Variants in TCF20 observed in about 807,000 individuals in gnomAD.
TCF20 encodes the protein transcription factor 20.
TCF20 carries 3 observed loss-of-function variants against 148.6 expected under a neutral mutation model. The ratio of observed to expected loss-of-function variants is 0.02; its 90% CI spans 0.01 to 0.05. TCF20 has a LOEUF of 0.05. Among genes scored for constraint, TCF20 ranks in the 10% least tolerant of loss-of-function variants. The probability of loss-of-function intolerance (pLI) is 1.00; values close to 1 mark genes in which losing one functional copy is unlikely to be tolerated. For synonymous variants in TCF20, 1,049 were observed against 909.5 expected (o/e 1.15, Z -2.76); for missense variants, 2,350 against 2,429.3 (o/e 0.97, Z 0.69).
chr22:42,232,632 C>T (rs1923528023), intron 1 of TCF20, among the ~76,000 whole-genome samples: 1 of 151,812 alleles, frequency 6.6e-6, no homozygotes, highest in Non-Finnish European at 1.5e-5. Flanking sequence ...TCGAGACCAT[C>T]CTGTCTAACA....
chr22:42,342,719 T>TA (rs1191800688), intron 1 of TCF20, among the ~76,000 whole-genome samples: 1 of 152,152 alleles, frequency 6.6e-6, no homozygotes, highest in Admixed American at 6.5e-5. Context: ...ACTTCCGCAT[T>TA]AAATTGGTGC....
At position 42,211,395 on chromosome 22, in the gene TCF20, T is replaced by C; in HGVS notation, c.3911A>G (p.His1304Arg). 1 of 1,614,200 alleles carries C rather than the reference T, an allele frequency of 6.2e-7. No homozygotes were observed. Among genetic ancestry groups the C allele is most frequent in the Non-Finnish European group, 8.5e-7 (1 of 1,180,036 alleles). Residue 1304 changes from histidine to arginine, a missense_variant, in exon 2 of 6, where the codon CAC becomes CGC. Transcript: ENST00000677622. The part of the protein sequence containing the change: ...KAFNSYAHLS[H>R]SQDIKSIPKR... The stretch of plus-strand genomic sequence containing the variant: ...AGGGATAGACTTGATATCCTGACTG[T>C]GAGAAAGATGGGCATAGGAATTGAA...
At chr22:42,272,005 G>A (rs979449099), upstream of TCF20, among the ~76,000 whole-genome samples, 1 of 152,178 alleles carries the variant, frequency 6.6e-6, no homozygotes, top group African/African-American at 2.4e-5. Context: ...GGGCCCCTTG[G>A]CAGGAGCATG....
At chr22:42,226,917 A>C (rs1442751495) in intron 1 of TCF20, among the ~76,000 whole-genome samples, 1 of 152,200 alleles carries the variant, frequency 6.6e-6, no homozygotes, top group Admixed American at 6.5e-5. Flanking sequence ...TATTGTAAAG[A>C]CGTTAAGTCT....
At chr22:42,271,812 G>A (rs1281998445), upstream of TCF20, among the ~76,000 whole-genome samples, 3 of 152,202 alleles carry the variant, frequency 2.0e-5, no homozygotes, top group East Asian at 1.9e-4. Context: ...AAGTGCTTCC[G>A]GCAGCAGGTG....
intron 5 of TCF20, among the ~76,000 whole-genome samples, chr22:42,164,534 C>T (rs1414746344): frequency 6.6e-6 from 1 of 152,194 alleles, no homozygotes; most frequent in Non-Finnish European, 1.5e-5. Flanking sequence ...GGGATGCACT[C>T]ATTTCTTTAA....
At position 42,215,343 on chromosome 22, in the gene TCF20, T is replaced by TA; in HGVS notation, c.-36-3dup. ...CACAGCAGCAGGCCAACAGCCCTCC[T>TA]AGAAATAGAAGAAAGAAAAACATTA... On this transcript the variant is annotated splice_polypyrimidine_tract_variant and splice_region_variant and intron_variant, in intron 1 of 5. Transcript: ENST00000677622. The TA allele has an allele frequency of 1.3e-6, 2 of 1,562,860 alleles. No homozygotes were observed. The highest frequency in any genetic ancestry group is 2.4e-5 in the South Asian group (2 of 83,850).
intron 1 of TCF20, among the ~76,000 whole-genome samples, chr22:42,298,059 CA>C (rs1429185134): frequency 6.6e-6 from 1 of 152,228 alleles, no homozygotes; most frequent in African/African-American, 2.4e-5. Context: ...AAGGCATCAC[CA>C]CTGTCTCCAT....
At chr22:42,252,578 G>A (rs1925467364) in intron 1 of TCF20, among the ~76,000 whole-genome samples, 1 of 152,064 alleles carries the variant, frequency 6.6e-6, no homozygotes, top group South Asian at 2.1e-4. Flanking sequence ...AGCCTCCCAA[G>A]TAGCTGGGAT....
chr22:42,300,774 T>TCTCTG (rs1048135917), intron 1 of TCF20, among the ~76,000 whole-genome samples: 3 of 152,160 alleles, frequency 2.0e-5, no homozygotes, highest in Admixed American at 6.5e-5. Context: ...CAGGCCTGCC[T>TCTCTG]CTCTGCCTTT....
At chr22:42,278,123 C>T (rs985174446) in intron 1 of TCF20, 1 of 152,284 alleles carries the variant, frequency 6.6e-6, no homozygotes, top group African/African-American at 2.4e-5. Flanking sequence ...TGGCATCCCA[C>T]TGCTGTGCAC....
At chr22:42,191,987 CTTA>C in intron 2 of TCF20, among the ~76,000 whole-genome samples, 1 of 152,118 alleles carries the variant, frequency 6.6e-6, no homozygotes, top group Non-Finnish European at 1.5e-5. Flanking sequence ...CTTGCACTAG[CTTA>C]TTTTTATTTT....
At chr22:42,294,098 G>A (rs1161296191) in intron 1 of TCF20, among the ~76,000 whole-genome samples, 2 of 152,318 alleles carry the variant, frequency 1.3e-5, no homozygotes, top group East Asian at 3.9e-4. Context: ...GAGCCAGGAA[G>A]AGCCTGGGAA....
chr22:42,251,357 T>G (rs955036236), intron 1 of TCF20, among the ~76,000 whole-genome samples: 1 of 151,990 alleles, frequency 6.6e-6, no homozygotes, highest in African/African-American at 2.4e-5. Context: ...ATTTTTGTAT[T>G]TTTTTGTAGA....
At chr22:42,231,006 A>G (rs1555936232) in intron 1 of TCF20, among the ~76,000 whole-genome samples, 1 of 152,034 alleles carries the variant, frequency 6.6e-6, no homozygotes, top group Non-Finnish European at 1.5e-5. Context: ...TAAAAAAAAC[A>G]CAAAAATTAG....
Position 42,317,038 on chromosome 22 carries a change from T to C in TCF20, c.-37+26441A>G, listed in dbSNP as rs1008194. On this transcript the variant is annotated intron_variant, in intron 1 of 1. Transcript: ENST00000515426. This position sits in a 1 kb window ranked among gnomAD's most constrained non-coding sequence, Gnocchi z 4.2. Reference sequence around the variant, plus strand: ...TGGCATGGCCGTAAGGCATCTTCAATGGTCCCATGTCCTCAACACTCTTCC... The same window carrying C: ...TGGCATGGCCGTAAGGCATCTTCAACGGTCCCATGTCCTCAACACTCTTCC... 0.62 allele frequency among the ~76,000 whole-genome samples: 94,200 copies of C among 151,948 alleles called. 31,008 individuals carry two copies. The highest frequency in any genetic ancestry group is 0.85 in the African/African-American group (35,178 of 41,430).
At position 42,210,882 on chromosome 22, in the gene TCF20, T is replaced by C; in HGVS notation, c.4424A>G (p.Asn1475Ser). 6.2e-7 allele frequency: 1 copy of C among 1,614,184 alleles called. No homozygotes were observed. The highest frequency in any genetic ancestry group is 1.7e-5 in the Admixed American group (1 of 60,016). The change falls in exon 2 of 6, where the codon AAC (asparagine) becomes AGC (serine). Residue 1475 changes from asparagine to serine, a missense_variant. Physicochemically the swap from Asn to Ser is conservative, Grantham distance 46. This residue lies in a region of TCF20 where 231 missense variants were observed against 213.7 expected (regional missense o/e 1.08). Coordinates refer to ENST00000677622, the MANE Select transcript of TCF20 (RefSeq NM_001378418.1). The surrounding 1 kb of genome is among the most constrained non-coding windows in gnomAD (Gnocchi z 4.7). ...TSTTSQKPGS[N>S]QGRPDGSLGG... Reference sequence around the variant, plus strand: ...CAGGGAACCATCTGGTCTCCCTTGGTTACTACCAGGCTTCTGTGAGGTTGT... The same window carrying C: ...CAGGGAACCATCTGGTCTCCCTTGGCTACTACCAGGCTTCTGTGAGGTTGT...
At position 42,168,742 on chromosome 22, in the gene TCF20, A is replaced by G; in HGVS notation, c.5800-6T>C. 6.2e-7 allele frequency: 1 copy of G among 1,606,230 alleles called. No individual in the cohort carries two copies. Among genetic ancestry groups the G allele is most frequent in the Non-Finnish European group, 8.5e-7 (1 of 1,176,558 alleles). On this transcript the variant is annotated splice_polypyrimidine_tract_variant and splice_region_variant and intron_variant, in intron 4 of 5. Coordinates refer to ENST00000677622, the MANE Select transcript of TCF20 (RefSeq NM_001378418.1). ...AGAGGGCACGGAAGGGGAGGCTGAC[A>G]CGGGCAAAACCAAGAGGAGACAGAC... is the stretch of plus-strand genomic sequence containing the variant.
chr22:42,301,448 C>T (rs933165754), intron 1 of TCF20, among the ~76,000 whole-genome samples: 2 of 152,202 alleles, frequency 1.3e-5, no homozygotes, highest in African/African-American at 4.8e-5. Context: ...GGCACGTGGC[C>T]TGGTCCCTCC....
Sources: gnomAD v4.1 joint callset for allele counts (sites outside exome capture counted in the v4.1 genomes callset) on GRCh38, gnomAD v4.1.1 for gene constraint, gnomAD v4.1.1 regional missense constraint, Gnocchi (gnomAD v3.1) non-coding constraint, MANE v1.5 for transcripts, NCBI Gene and HGNC (gene_info 2026-07-23, HGNC 2026-07-21) for gene names.